The following ATXN7L1 variants were observed in gnomAD, a reference collection of about 807,000 sequenced individuals.
ATXN7L1 encodes ataxin 7 like 1, also known as ataxin-7-like protein 1.
ATXN7L1 carries 15 observed loss-of-function variants against 70.8 expected under a neutral mutation model. The observed-to-expected ratio is 0.21, with a 90% CI of 0.14 to 0.33. The LOEUF (loss-of-function observed/expected upper bound fraction) is 0.33, where lower values mean the gene tolerates loss of function less well. Ranked by LOEUF, ATXN7L1 falls within the 10% of genes least tolerant of loss-of-function variation. The pLI is 1.00. For missense variants in ATXN7L1, 975 were observed against 1,097.1 expected (o/e 0.89, Z 1.57); for synonymous variants, 440 against 445.1 (o/e 0.99, Z 0.14).
intron 3 of ATXN7L1, among the ~76,000 whole-genome samples, chr7:105,703,219 C>T (rs983372608): frequency 1.3e-5 from 2 of 151,458 alleles, no homozygotes; most frequent in African/African-American, 4.9e-5. Flanking sequence ...AAGGGAGAAT[C>T]GCTTGAACCC....
chr7:105,831,316 T>C (rs915444479), intron 2 of ATXN7L1, among the ~76,000 whole-genome samples: 3 of 152,262 alleles, frequency 2.0e-5, no homozygotes, highest in Non-Finnish European at 4.4e-5. Flanking sequence ...TTAGGCTCAT[T>C]CAGGAGGTCT....
At chr7:105,739,198 C>T (rs1418350650) in intron 3 of ATXN7L1, among the ~76,000 whole-genome samples, 1 of 152,188 alleles carries the variant, frequency 6.6e-6, no homozygotes, top group African/African-American at 2.4e-5. Context: ...GGACAAGCAA[C>T]AGCATCAATG....
chr7:105,873,010 C>T (rs964473774), intron 2 of ATXN7L1, among the ~76,000 whole-genome samples: 3 of 152,052 alleles, frequency 2.0e-5, no homozygotes, highest in South Asian at 2.1e-4. Flanking sequence ...AAAAATCAGC[C>T]GGGCTTGGTG....
chr7:105,639,644 T>TA, intron 5 of ATXN7L1, 75 bp from the exon 6 acceptor site: 1 of 1,055,504 alleles, frequency 9.5e-7, no homozygotes, highest in Non-Finnish European at 1.4e-6. Flanking sequence ...CTACATTTTT[T>TA]AAAAAATGCA....
At chr7:105,664,588 T>TATATATATATATATATATATATA (rs1388359970) in intron 4 of ATXN7L1, among the ~76,000 whole-genome samples, 12 of 147,670 alleles carry the variant, frequency 8.1e-5, no homozygotes, top group South Asian at 4.3e-4. Context: ...TATATATATA[T>TATATATATATATATATATATATA]TTGAGACAGA....
intron 3 of ATXN7L1, among the ~76,000 whole-genome samples, chr7:105,667,792 G>A (rs376833598): frequency 1.1e-4 from 16 of 151,718 alleles, no homozygotes; most frequent in Admixed American, 3.9e-4. Context: ...GCTAGTTAGC[G>A]ACAATCCTGA....
intron 6 of ATXN7L1, 97 bp from the exon 7 acceptor site, chr7:105,638,706 T>G (rs779188043): frequency 7.1e-7 from 1 of 1,417,804 alleles, no homozygotes; most frequent in African/African-American, 1.4e-5. Flanking sequence ...TCATGGAAAT[T>G]TAGAGGTGCT....
At chr7:105,802,282 T>C (rs887171902) in intron 2 of ATXN7L1, among the ~76,000 whole-genome samples, 3 of 152,076 alleles carry the variant, frequency 2.0e-5, no homozygotes, top group African/African-American at 7.2e-5. Flanking sequence ...CGATCTATAA[T>C]ATGTGGACGG....
intron 2 of ATXN7L1, among the ~76,000 whole-genome samples, chr7:105,843,891 T>C (rs1226991372): frequency 2.6e-5 from 4 of 152,236 alleles, no homozygotes; most frequent in African/African-American, 7.2e-5. Flanking sequence ...AATTTGTTAT[T>C]ATCTCTCACA....
chr7:105,776,499 C>T (rs1374376018), intron 3 of ATXN7L1, among the ~76,000 whole-genome samples: 2 of 151,814 alleles, frequency 1.3e-5, no homozygotes, highest in Admixed American at 6.6e-5. Context: ...AACAACCCCC[C>T]CCCCAAAACA....
intron 3 of ATXN7L1, among the ~76,000 whole-genome samples, chr7:105,733,947 TCC>T: frequency 6.8e-6 from 1 of 147,738 alleles, no homozygotes; most frequent in South Asian, 2.2e-4. Flanking sequence ...CATCCATCCA[TCC>T]ATCCATCCAT....
At chr7:105,679,217 G>A in intron 3 of ATXN7L1, 5 of 910,100 alleles carry the variant, frequency 5.5e-6, no homozygotes, top group Non-Finnish European at 6.6e-6. Flanking sequence ...TTAGGGAAAG[G>A]CAGAAAGAAA....
intron 4 of ATXN7L1, among the ~76,000 whole-genome samples, chr7:105,659,364 C>T (rs975817810): frequency 3.3e-5 from 5 of 152,122 alleles, no homozygotes; most frequent in African/African-American, 9.7e-5. Flanking sequence ...ACGAGTACCA[C>T]GCTTGTTGAG....
At chr7:105,820,120 A>G (rs998863478) in intron 2 of ATXN7L1, 2 of 114,780 alleles carry the variant, frequency 1.7e-5, no homozygotes, top group African/African-American at 8.7e-5. Context: ...AAGACTGTTT[A>G]TTCCTCAAAA....
In ATXN7L1 at chr7:105,720,651, G is replaced by T. The variant is rs188811255; in HGVS notation, c.356-55363C>A. ...TGCCCAGGCTGGCTTTACTATTTTTGGTAGAGACGGGGTCTCAATATGTTG... is the reference window on the plus strand; with the variant it reads ...TGCCCAGGCTGGCTTTACTATTTTTTGTAGAGACGGGGTCTCAATATGTTG... On this transcript the variant is annotated intron_variant, in intron 3 of 11. Coordinates refer to ENST00000419735, the MANE Select transcript of ATXN7L1 (RefSeq NM_020725.2). Among the ~76,000 whole-genome samples, 281 of 152,126 alleles carry T rather than the reference G, an allele frequency of 1.8e-3. 1 individual carries two copies. The highest frequency in any genetic ancestry group is 6.5e-3 in the African/African-American group (270 of 41,516).
At chr7:105,663,279 CA>C (rs1369141196) in intron 4 of ATXN7L1, among the ~76,000 whole-genome samples, 1 of 152,216 alleles carries the variant, frequency 6.6e-6, no homozygotes, top group African/African-American at 2.4e-5. Flanking sequence ...CCAAGGAGAA[CA>C]AAGCTTGCCC....
chr7:105,679,005 G>A, intron 3 of ATXN7L1: 14 of 917,046 alleles, frequency 1.5e-5, no homozygotes, highest in Non-Finnish European at 1.8e-5. Context: ...CCTGCGCCCA[G>A]CCCCACGCCG....
At chr7:105,797,802 C>G (rs543032385) in intron 2 of ATXN7L1, among the ~76,000 whole-genome samples, 2 of 152,366 alleles carry the variant, frequency 1.3e-5, no homozygotes, top group South Asian at 2.1e-4. Flanking sequence ...CGGCAGCTTT[C>G]CTAAGGCTGT....
In ATXN7L1 at chr7:105,788,587, T is replaced by A. The variant is rs1585007520; in HGVS notation, c.355+17A>T. ...CGGCAGCTGCAGATGTGGCCGACGGTGCAGGGGTCCACTTACCGCAGTGCG... is the reference window on the plus strand; with the variant it reads ...CGGCAGCTGCAGATGTGGCCGACGGAGCAGGGGTCCACTTACCGCAGTGCG... On this transcript the variant is annotated intron_variant, in intron 3 of 11. Coordinates refer to ENST00000419735, the MANE Select transcript of ATXN7L1 (RefSeq NM_020725.2). 6.3e-7 allele frequency: 1 copy of A among 1,587,082 alleles called. No individual in the cohort carries two copies. The highest frequency in any genetic ancestry group is 8.7e-7 in the Non-Finnish European group (1 of 1,155,482).
Sources: allele counts gnomAD v4.1 joint callset (sites outside exome capture counted in the v4.1 genomes callset), GRCh38; gene constraint gnomAD v4.1.1; transcripts MANE v1.5; gene names NCBI Gene and HGNC (gene_info 2026-07-23, HGNC 2026-07-21).